NSMCE2: variants seen among roughly 807,000 people sequenced by gnomAD.
The protein encoded by NSMCE2 is E3 SUMO-protein ligase NSE2.
In NSMCE2, 24 loss-of-function variants were observed where a neutral mutation model predicts 23.8. The observed-to-expected ratio is 1.01, with a 90% CI of 0.73 to 1.42. NSMCE2 has a LOEUF of 1.42. Among genes scored for constraint, NSMCE2 ranks in the 40% most tolerant of loss-of-function variants. NSMCE2 has a pLI of 0.00. For missense variants in NSMCE2, 284 were observed against 296.5 expected (o/e 0.96, Z 0.31); for synonymous variants, 92 against 94.1 (o/e 0.98, Z 0.13).
At chr8:125,336,244 C>A (rs1180172759) in intron 5 of NSMCE2, among the ~76,000 whole-genome samples, 1 of 152,148 alleles carries the variant, frequency 6.6e-6, no homozygotes, top group Non-Finnish European at 1.5e-5. Context: ...TTATTATGTG[C>A]TGGGCATATT....
chr8:125,135,731 C>G (rs566551005), intron 3 of NSMCE2, among the ~76,000 whole-genome samples: 1 of 152,194 alleles, frequency 6.6e-6, no homozygotes, highest in South Asian at 2.1e-4. Flanking sequence ...AGGTATATAT[C>G]CATTTCTGGA....
chr8:125,221,517 T>C (rs542322905), intron 5 of NSMCE2, among the ~76,000 whole-genome samples: 1 of 152,360 alleles, frequency 6.6e-6, no homozygotes, highest in South Asian at 2.1e-4. Context: ...GTTCTGGGAT[T>C]ACAGGCATGA....
intron 5 of NSMCE2, among the ~76,000 whole-genome samples, chr8:125,275,505 C>T (rs534562759): frequency 1.3e-5 from 2 of 152,250 alleles, no homozygotes; most frequent in African/African-American, 2.4e-5. Flanking sequence ...GAGTTCTCTT[C>T]CTCTTACTGC....
At chr8:125,142,644 G>A (rs1391235307) in intron 3 of NSMCE2, among the ~76,000 whole-genome samples, 1 of 150,510 alleles carries the variant, frequency 6.6e-6, no homozygotes, top group Non-Finnish European at 1.5e-5. Context: ...TGCCCTTGTT[G>A]CCCATGCTGG....
At chr8:125,255,410 T>G (rs947899331) in intron 5 of NSMCE2, among the ~76,000 whole-genome samples, 24 of 152,148 alleles carry the variant, frequency 1.6e-4, no homozygotes, top group African/African-American at 5.8e-4. Flanking sequence ...ACAGGAACAC[T>G]GAGTCGAGAC....
intron 3 of NSMCE2, among the ~76,000 whole-genome samples, chr8:125,131,501 A>G (rs1244162802): frequency 6.6e-6 from 1 of 152,182 alleles, no homozygotes; most frequent in African/African-American, 2.4e-5. Context: ...AAGGCCAAGA[A>G]TTGAGTTACA....
At chr8:125,326,900 G>A (rs1829685164) in intron 5 of NSMCE2, among the ~76,000 whole-genome samples, 1 of 151,184 alleles carries the variant, frequency 6.6e-6, no homozygotes, top group South Asian at 2.1e-4. Context: ...AGGTTGCAGT[G>A]AGCTGAGATC....
chr8:125,158,845 A>G lies in NSMCE2; in HGVS notation c.264+7568A>G, dbSNP rs1456953946. 2.0e-5 allele frequency among the ~76,000 whole-genome samples: 3 copies of G among 152,194 alleles called. No individual in the cohort carries two copies. The East Asian group carries it at 5.8e-4, about 29-fold the overall frequency. On this transcript the variant is annotated intron_variant, in intron 4 of 7. Coordinates refer to ENST00000287437, the MANE Select transcript of NSMCE2 (RefSeq NM_173685.4). Reference sequence around the variant, plus strand: ...AGATGGGGAAATAGACTGAACTGGGACTGGGGAATGGATCAGTAAATGTTA... The same window carrying G: ...AGATGGGGAAATAGACTGAACTGGGGCTGGGGAATGGATCAGTAAATGTTA...
intron 3 of NSMCE2, among the ~76,000 whole-genome samples, chr8:125,128,332 A>T (rs1339772352): frequency 6.6e-6 from 1 of 152,216 alleles, no homozygotes; most frequent in Non-Finnish European, 1.5e-5. Flanking sequence ...GCTATTAGGT[A>T]GTAGTGACTT....
intron 5 of NSMCE2, among the ~76,000 whole-genome samples, chr8:125,324,596 G>A (rs1221089869): frequency 1.6e-5 from 1 of 63,838 alleles, no homozygotes; most frequent in Non-Finnish European, 2.9e-5. Context: ...TTTTTTTTGA[G>A]ACGAGTCTGG....
At chr8:125,092,650 A>G (rs1367054942) in intron 1 of NSMCE2, among the ~76,000 whole-genome samples, 1 of 152,244 alleles carries the variant, frequency 6.6e-6, no homozygotes, top group African/African-American at 2.4e-5. Flanking sequence ...AAGGAGAGGC[A>G]GCTCTGGCTG....
rs80083255 is a variant in NSMCE2, at chr8:125,313,789, C to T, written c.419-43430C>T. Among the ~76,000 whole-genome samples, 188 of 152,282 alleles carry T rather than the reference C, an allele frequency of 1.2e-3. 1 individual carries two copies. Among genetic ancestry groups the T allele is most frequent in the African/African-American group, 4.2e-3 (175 of 41,568 alleles). On this transcript the variant is annotated intron_variant, in intron 5 of 7. Coordinates refer to ENST00000287437, the MANE Select transcript of NSMCE2 (RefSeq NM_173685.4). Reference sequence around the variant, plus strand: ...AAGGGAAGGAAAAAAAGAAACAGAACTTTACTTTTCTTCTCTCAACAGACT... The same window carrying T: ...AAGGGAAGGAAAAAAAGAAACAGAATTTTACTTTTCTTCTCTCAACAGACT...
At chr8:125,316,787 T>C (rs1164952310) in intron 5 of NSMCE2, among the ~76,000 whole-genome samples, 4 of 110,692 alleles carry the variant, frequency 3.6e-5, no homozygotes, top group African/African-American at 1.8e-4. Flanking sequence ...CTCTCTTTCT[T>C]TCTTTCTTTC....
intron 5 of NSMCE2, among the ~76,000 whole-genome samples, chr8:125,192,867 G>A (rs1358403365): frequency 6.6e-6 from 1 of 152,200 alleles, no homozygotes. Context: ...ATGATGACGC[G>A]CTCTACTGCT....
At chr8:125,284,286 A>C (rs1827813136) in intron 5 of NSMCE2, among the ~76,000 whole-genome samples, 1 of 152,170 alleles carries the variant, frequency 6.6e-6, no homozygotes, top group Non-Finnish European at 1.5e-5. Flanking sequence ...GACTCTCACA[A>C]GTCCTTTATT....
chr8:125,327,524 A>G (rs1350395542), intron 5 of NSMCE2, among the ~76,000 whole-genome samples: 1 of 152,080 alleles, frequency 6.6e-6, no homozygotes, highest in East Asian at 1.9e-4. Context: ...TTAAAGTAAG[A>G]GAGTGTTTTT....
chr8:125,277,078 A>C (rs1827478566), intron 5 of NSMCE2, among the ~76,000 whole-genome samples: 1 of 152,088 alleles, frequency 6.6e-6, no homozygotes, highest in Non-Finnish European at 1.5e-5. Context: ...TATTTCCTCT[A>C]CTAGGTTATG....
intron 5 of NSMCE2, among the ~76,000 whole-genome samples, chr8:125,253,655 A>T (rs1194427012): frequency 6.6e-6 from 1 of 152,196 alleles, no homozygotes; most frequent in Non-Finnish European, 1.5e-5. Flanking sequence ...TTTGTATTGT[A>T]AAGGCAGCAT....
chr8:125,299,044 A>C (rs775568368), intron 5 of NSMCE2, among the ~76,000 whole-genome samples: 49 of 152,228 alleles, frequency 3.2e-4, no homozygotes, highest in Non-Finnish European at 6.6e-4. Flanking sequence ...TGCTAGTAAA[A>C]AATAATGTTC....
Sources: gnomAD v4.1 joint callset for allele counts (sites outside exome capture counted in the v4.1 genomes callset) on GRCh38, gnomAD v4.1.1 for gene constraint, MANE v1.5 for transcripts, NCBI Gene and HGNC (gene_info 2026-07-23, HGNC 2026-07-21) for gene names.